Variants in AKAP9 observed in about 807,000 individuals in gnomAD.
AKAP9 encodes the protein A-kinase anchoring protein 9.
Under a neutral mutation model 488.5 loss-of-function variants are expected in AKAP9, and 311 were observed. The ratio of observed to expected loss-of-function variants is 0.64; its 90% CI spans 0.58 to 0.70. The LOEUF (loss-of-function observed/expected upper bound fraction) is 0.70. Among genes scored for constraint, AKAP9 ranks in the 30% least tolerant of loss-of-function variants. AKAP9 has a pLI of 0.00. For synonymous variants in AKAP9, 1,462 were observed against 1,483.5 expected, an observed-to-expected ratio of 0.99 and a Z score of 0.33; for missense variants, 4,215 against 4,374.5, an observed-to-expected ratio of 0.96 and a Z score of 1.03.
chr7:91,974,113 C>G (rs1795392006), intron 2 of AKAP9, 145 bp downstream of exon 2: 1 of 970,714 alleles, frequency 1.0e-6, no homozygotes, highest in Non-Finnish European at 1.6e-6. Flanking sequence ...ACAGTCATAA[C>G]TAAAATATTT....
At chr7:92,041,105 C>T in intron 18 of AKAP9, 3 of 515,738 alleles carry the variant, frequency 5.8e-6, no homozygotes, top group South Asian at 3.2e-5. Context: ...TTAGGGACAC[C>T]TATCTCAACC....
chr7:92,016,773 G>A (rs1473608548), intron 11 of AKAP9, among the ~76,000 whole-genome samples: 1 of 151,928 alleles, frequency 6.6e-6, no homozygotes, highest in East Asian at 1.9e-4. Context: ...TTTGTATAAT[G>A]AACAAAATGT....
At chr7:92,076,310 T>A (rs1164230783) in intron 28 of AKAP9, among the ~76,000 whole-genome samples, 1 of 152,240 alleles carries the variant, frequency 6.6e-6, no homozygotes, top group East Asian at 1.9e-4. Flanking sequence ...TCACTTACTC[T>A]AAGGTTTTTG....
At chr7:92,077,492 C>A (rs553179886) in intron 29 of AKAP9, among the ~76,000 whole-genome samples, 2 of 152,098 alleles carry the variant, frequency 1.3e-5, no homozygotes, top group South Asian at 4.1e-4. Flanking sequence ...TTATTTTCAG[C>A]CCAACCTGAA....
chr7:92,054,775 A>G (rs961751524), intron 22 of AKAP9, among the ~76,000 whole-genome samples: 3 of 151,994 alleles, frequency 2.0e-5, no homozygotes, highest in East Asian at 1.9e-4. Context: ...CTACCATACA[A>G]TCAGGCCTAT....
chr7:92,077,696 G>A lies in AKAP9; in HGVS notation c.6766G>A (p.Asp2256Asn), dbSNP rs1812841873. The A allele has an allele frequency of 6.2e-7, 1 of 1,613,238 alleles. No homozygotes were observed. Residue 2256 changes from aspartate (D) to asparagine (N), a missense_variant and splice_region_variant, in exon 30 of 50, where the codon GAT (aspartate) becomes AAT (asparagine). Transcript: ENST00000356239. ...ELEQENKLFK[D>N]DMEKLGLAIK... ...CTGTGATAATTATTTTTGTTCCTAG[G>A]ATGACATGGAGAAACTGGGACTTGC... is the stretch of plus-strand genomic sequence containing the variant.
intron 1 of AKAP9, among the ~76,000 whole-genome samples, chr7:91,963,523 CACACAT>C (rs1584600816): frequency 6.9e-6 from 1 of 144,066 alleles, no homozygotes; most frequent in African/African-American, 2.7e-5. Context: ...CACACACACA[CACACAT>C]ATTTTTGAGA....
rs543075054 is a variant in AKAP9 at position 92,041,725 on chromosome 7, A to T, written c.4918-321A>T. On this transcript the variant is annotated intron_variant, in intron 18 of 49. Transcript: ENST00000356239. ...ATAATAAGATAATTGGGAGCTGAGC[A>T]TAAAACATTATTTGGAAAAATTAAC... 4.8e-4 allele frequency: 130 copies of T among 269,530 alleles called. 1 individual carries two copies. In the South Asian group the frequency reaches 5.8e-3, roughly 12 times the overall value. 16.7% of individuals were successfully genotyped at this position (269,530 alleles called of 1,614,324 possible). A position where few individuals can be genotyped will look rare whatever the true frequency, so the allele number is the denominator to read the frequency against.
chr7:92,015,572 C>T (rs971615751), intron 10 of AKAP9, among the ~76,000 whole-genome samples: 3 of 151,984 alleles, frequency 2.0e-5, no homozygotes, highest in East Asian at 1.9e-4. Flanking sequence ...CCATGTTGGC[C>T]AGGCTGGTCT....
intron 28 of AKAP9, among the ~76,000 whole-genome samples, chr7:92,076,566 T>G (rs2130855218): frequency 6.6e-6 from 1 of 152,326 alleles, no homozygotes; most frequent in Middle Eastern, 3.4e-3. Flanking sequence ...TATGACTCTT[T>G]TCTGCTTCAG....
chr7:92,022,470 C>G, intron 13 of AKAP9, 118 bp downstream of exon 13: 1 of 727,722 alleles, frequency 1.4e-6, no homozygotes, highest in Non-Finnish European at 2.4e-6. Context: ...TGTAGCCTCT[C>G]TGATCTCAAT....
At chr7:92,008,998 AAAG>A (rs1800322386) in intron 8 of AKAP9, among the ~76,000 whole-genome samples, 1 of 151,632 alleles carries the variant, frequency 6.6e-6, no homozygotes, top group South Asian at 2.1e-4. Context: ...AAAAAAAAAA[AAAG>A]AAAATGATCG....
intron 26 of AKAP9, among the ~76,000 whole-genome samples, chr7:92,067,742 A>G (rs961172795): frequency 6.6e-6 from 1 of 152,176 alleles, no homozygotes; most frequent in African/African-American, 2.4e-5. Context: ...TGATAAAGAC[A>G]TTGTGCTTAG....
intron 45 of AKAP9, among the ~76,000 whole-genome samples, 179 bp from the exon 46 acceptor site, chr7:92,102,415 A>G (rs774071368): frequency 4.0e-5 from 6 of 151,146 alleles, no homozygotes; most frequent in Non-Finnish European, 7.4e-5. Flanking sequence ...CTGATAAAGT[A>G]GAAAACAGTG....
chr7:92,036,976 A>G (rs1805301231), intron 16 of AKAP9, among the ~76,000 whole-genome samples: 1 of 152,186 alleles, frequency 6.6e-6, no homozygotes, highest in Non-Finnish European at 1.5e-5. Context: ...TACCAGGATT[A>G]TCTGGGAAGA....
chr7:92,096,482 G>A (rs572544995), intron 40 of AKAP9, among the ~76,000 whole-genome samples: 1 of 151,896 alleles, frequency 6.6e-6, no homozygotes, highest in Non-Finnish European at 1.5e-5. Context: ...CTACAGGCAC[G>A]TGCCATTGCA....
Position 91,942,862 on chromosome 7 carries a change from T to G in AKAP9, c.48+1715T>G, listed in dbSNP as rs548504001. Among the ~76,000 whole-genome samples the G allele has an allele frequency of 3.9e-5, 6 of 152,210 alleles. No individual in the cohort carries two copies. The East Asian group carries it at 1.2e-3, about 29-fold the overall frequency. On this transcript the variant is annotated intron_variant, in intron 1 of 49. Transcript: ENST00000356239. Reference sequence around the variant, plus strand: ...TTATCTTCTTTTAGAATTTAGCCCTTTTTCCAGTAAGATATAAATCTATGA... The same window carrying G: ...TTATCTTCTTTTAGAATTTAGCCCTGTTTCCAGTAAGATATAAATCTATGA...
intron 1 of AKAP9, among the ~76,000 whole-genome samples, chr7:91,950,539 A>G (rs1792105309): frequency 6.6e-6 from 1 of 152,124 alleles, no homozygotes; most frequent in African/African-American, 2.4e-5. Flanking sequence ...CTAGGGTCTC[A>G]CTTTTATTCA....
rs56394853 is a variant in AKAP9, at chr7:92,018,395, AACACACACACAC to A, written c.3837+1329_3837+1340del. On this transcript the variant is annotated intron_variant, in intron 12 of 49. Transcript: ENST00000356239. ...CTCAAGACCTCATTTCTAAAAATAT[AACACACACACAC>A]ACACACACACACACACACACACACA... 9.3e-3 allele frequency among the ~76,000 whole-genome samples: 1,123 copies of A among 120,678 alleles called. 9 individuals are homozygous for A. The highest frequency in any genetic ancestry group is 0.011 in the Non-Finnish European group (657 of 58,428). 79.2% of individuals were successfully genotyped at this position (120,678 alleles called of 152,430 possible).
Sources: allele counts gnomAD v4.1 joint callset (sites outside exome capture counted in the v4.1 genomes callset), GRCh38; gene constraint gnomAD v4.1.1; transcripts MANE v1.5; gene names NCBI Gene and HGNC (gene_info 2026-07-23, HGNC 2026-07-21).